The following PTK2 variants were observed in gnomAD, a reference collection of about 807,000 sequenced individuals.
The protein encoded by PTK2 is focal adhesion kinase 1.
In PTK2, 45 loss-of-function variants were observed where a neutral mutation model predicts 150.1. The observed-to-expected ratio is 0.30, with a 90% CI of 0.24 to 0.38. PTK2 has a LOEUF of 0.38. Ranked by LOEUF, PTK2 falls within the 10% of genes least tolerant of loss-of-function variation. The probability of loss-of-function intolerance (pLI) is 1.00; values close to 1 mark genes in which losing one functional copy is unlikely to be tolerated. For synonymous variants in PTK2, 432 were observed against 449.2 expected (o/e 0.96, Z 0.48); for missense variants, 919 against 1,307.3 (o/e 0.70, Z 4.58).
chr8:140,744,567 G>T, intron 19 of PTK2, 85 bp downstream of exon 22: 1 of 751,990 alleles, frequency 1.3e-6, no homozygotes, highest in Non-Finnish European at 2.1e-6. Flanking sequence ...GATCCAAAAG[G>T]GTCCAAAGAC....
At chr8:140,754,693 G>T (rs1043033837) in intron 16 of PTK2, among the ~76,000 whole-genome samples, 1 of 152,198 alleles carries the variant, frequency 6.6e-6, no homozygotes, top group Non-Finnish European at 1.5e-5. Flanking sequence ...AGATTCCATA[G>T]CTGGCAAATA....
At position 140,663,227 on chromosome 8, in the gene PTK2, T is replaced by C. The variant is rs2083436915; in HGVS notation, c.2946+1690A>G. The C allele has an allele frequency of 2.0e-5, 3 of 151,786 alleles. No homozygotes were observed. In the Admixed American group the frequency reaches 2.0e-4, roughly 10 times the overall value. 9.4% of individuals were successfully genotyped at this position (151,786 alleles called of 1,614,324 possible). A position where few individuals can be genotyped will look rare whatever the true frequency, so the allele number is the denominator to read the frequency against. ...CAAGCTGCTCGACAGCAGGAAGTGATGTGTGTACACACATAGACAATGGAG... is the reference window on the plus strand; with the variant it reads ...CAAGCTGCTCGACAGCAGGAAGTGACGTGTGTACACACATAGACAATGGAG... On this transcript the variant is annotated intron_variant, in intron 31 of 31. Transcript: ENST00000522684.
chr8:140,973,597 C>A (rs1033481575), intron 1 of PTK2, among the ~76,000 whole-genome samples: 7 of 152,086 alleles, frequency 4.6e-5, no homozygotes, highest in Admixed American at 4.6e-4. Flanking sequence ...CAGCTCTTTG[C>A]CAACCACATA....
chr8:140,981,909 G>C (rs1276145633), intron 1 of PTK2, among the ~76,000 whole-genome samples: 1 of 152,074 alleles, frequency 6.6e-6, no homozygotes, highest in Non-Finnish European at 1.5e-5. Context: ...GGTTCTCAGA[G>C]CTCAGAGCAT....
intron 2 of PTK2, among the ~76,000 whole-genome samples, chr8:140,917,497 TTTACTC>T (rs2100165765): frequency 6.6e-6 from 1 of 152,218 alleles, no homozygotes; most frequent in Non-Finnish European, 1.5e-5. Context: ...GATAAATACT[TTTACTC>T]TAAGAGAAAA....
At chr8:140,829,058 T>C (rs897114019) in intron 8 of PTK2, among the ~76,000 whole-genome samples, 11 of 152,228 alleles carry the variant, frequency 7.2e-5, no homozygotes, top group Non-Finnish European at 1.6e-4. Context: ...TGTTCCCTAA[T>C]AATTCACTGT....
At chr8:140,959,403 G>C (rs1329238196) in intron 1 of PTK2, among the ~76,000 whole-genome samples, 2 of 151,436 alleles carry the variant, frequency 1.3e-5, no homozygotes, top group Non-Finnish European at 2.9e-5. Flanking sequence ...GCCACGCATG[G>C]TGGCGGGTGC....
intron 23 of PTK2, among the ~76,000 whole-genome samples, chr8:140,708,099 TG>T (rs1252284005): frequency 1.3e-5 from 2 of 152,198 alleles, no homozygotes; most frequent in Admixed American, 1.3e-4. Context: ...TTTTAAAACT[TG>T]GGGGGTTTAA....
intron 2 of PTK2, among the ~76,000 whole-genome samples, chr8:140,911,775 A>C (rs1205518522): frequency 1.3e-5 from 2 of 152,194 alleles, no homozygotes; most frequent in African/African-American, 4.8e-5. Flanking sequence ...AATCATATAC[A>C]TAAACGTAAA....
intron 22 of PTK2, among the ~76,000 whole-genome samples, chr8:140,730,317 T>C (rs951154982): frequency 1.6e-4 from 24 of 152,342 alleles, no homozygotes; most frequent in African/African-American, 4.8e-4. Context: ...CTATAGGATA[T>C]TCACAAATGG....
In PTK2 at chr8:140,918,447, T is replaced by C. The variant is rs77105876; in HGVS notation, c.-33+7214A>G. 2.0e-3 allele frequency among the ~76,000 whole-genome samples: 302 copies of C among 152,342 alleles called. 2 individuals are homozygous for C. The highest frequency in any genetic ancestry group is 7.0e-3 in the African/African-American group (291 of 41,578). On this transcript the variant is annotated intron_variant, in intron 2 of 31. Transcript: ENST00000522684. ...GCAACCTAAAATACCACTGTGAACA[T>C]TTACATTTAATTCAATATTCTGAAT...
intron 29 of PTK2, among the ~76,000 whole-genome samples, chr8:140,671,785 A>G (rs1280883647): frequency 7.0e-6 from 1 of 142,570 alleles, no homozygotes; most frequent in East Asian, 2.1e-4. Context: ...AAAAAAAATT[A>G]GATGGGCCTG....
intron 31 of PTK2, chr8:140,662,777 G>C: frequency 3.7e-6 from 2 of 546,044 alleles, no homozygotes; most frequent in Non-Finnish European, 7.0e-6. Flanking sequence ...CATTATTTAT[G>C]TTGTATTCCT....
rs558968831 is a variant in PTK2, at chr8:140,903,608, C to T, written c.-32-12839G>A. 5.3e-5 allele frequency among the ~76,000 whole-genome samples: 8 copies of T among 152,290 alleles called. No homozygotes were observed. The East Asian group carries it at 9.7e-4, about 18-fold the overall frequency. Reference sequence around the variant, plus strand: ...TTACTTTGGGCAGTATGGCCATTTTCACAATATTGATTCTTCCTACCCATG... The same window carrying T: ...TTACTTTGGGCAGTATGGCCATTTTTACAATATTGATTCTTCCTACCCATG... On this transcript the variant is annotated intron_variant, in intron 2 of 31. Coordinates refer to ENST00000522684, the Ensembl canonical transcript of PTK2.
At chr8:140,964,547 ATTTTTTTTTTTT>A (rs1025644210) in intron 1 of PTK2, among the ~76,000 whole-genome samples, 149 of 76,854 alleles carry the variant, frequency 1.9e-3, no homozygotes, top group African/African-American at 8.3e-3. Flanking sequence ...GCCCCAGGTA[ATTTTTTTTTTTT>A]TTTTTTTTTT....
intron 23 of PTK2, among the ~76,000 whole-genome samples, chr8:140,715,360 C>A (rs1262748297): frequency 6.6e-6 from 1 of 151,362 alleles, no homozygotes; most frequent in Non-Finnish European, 1.5e-5. Context: ...TTAGTAGAGA[C>A]GGGGTTTCAC....
intron 1 of PTK2, among the ~76,000 whole-genome samples, chr8:140,980,993 C>T (rs1030319518): frequency 5.4e-5 from 8 of 148,036 alleles, no homozygotes; most frequent in Non-Finnish European, 6.0e-5. Flanking sequence ...AACTCTTCAC[C>T]TCGTGATCCG....
At chr8:140,837,834 T>C (rs569094947) in intron 7 of PTK2, among the ~76,000 whole-genome samples, 289 of 150,834 alleles carry the variant, frequency 1.9e-3, no homozygotes, top group African/African-American at 6.9e-3. Context: ...CGATGCGGGC[T>C]GATCACTTGA....
intron 22 of PTK2, chr8:140,732,673 C>A: frequency 2.2e-6 from 1 of 448,808 alleles, no homozygotes. Flanking sequence ...GTCATCTTTG[C>A]CCCAGTGACT....
Sources: allele counts gnomAD v4.1 joint callset (sites outside exome capture counted in the v4.1 genomes callset), GRCh38; gene constraint gnomAD v4.1.1; transcripts MANE v1.5; gene names NCBI Gene and HGNC (gene_info 2026-07-23, HGNC 2026-07-21).